The following PARD3B variants were observed in gnomAD, a reference collection of about 807,000 sequenced individuals.
PARD3B encodes the protein par-3 family cell polarity regulator beta, also known as partitioning defective 3 homolog B.
Under a neutral mutation model 130.2 loss-of-function variants are expected in PARD3B, and 103 were observed. The observed-to-expected ratio is 0.79, with a 90% CI of 0.67 to 0.93. The LOEUF (loss-of-function observed/expected upper bound fraction) is 0.93. Ranked by LOEUF, PARD3B falls within the 40% of genes least tolerant of loss-of-function variation. The probability of loss-of-function intolerance (pLI) is 0.00; values close to 1 mark genes in which losing one functional copy is unlikely to be tolerated. For missense variants in PARD3B, 1,609 were observed against 1,499.2 expected, an observed-to-expected ratio of 1.07 and a Z score of -1.21; for synonymous variants, 583 against 553.2, an observed-to-expected ratio of 1.05 and a Z score of -0.76.
intron 2 of PARD3B, among the ~76,000 whole-genome samples, chr2:204,719,051 A>C (rs796358152): frequency 7.9e-5 from 12 of 152,364 alleles, no homozygotes; most frequent in African/African-American, 2.9e-4. Flanking sequence ...GAGAGATAAC[A>C]GTTAATTAAC....
chr2:204,799,377 T>A lies in PARD3B; in HGVS notation c.222+113095T>A, dbSNP rs1026107253. Among the ~76,000 whole-genome samples, 2 of 152,204 alleles carry A rather than the reference T, an allele frequency of 1.3e-5. No homozygotes were observed. Among genetic ancestry groups the A allele is most frequent in the African/African-American group, 4.8e-5 (2 of 41,466 alleles). On this transcript the variant is annotated intron_variant, in intron 2 of 22. Coordinates refer to ENST00000406610, the MANE Select transcript of PARD3B (RefSeq NM_001302769.2). The surrounding 1 kb of genome is among the most constrained non-coding windows in gnomAD (Gnocchi z 4.1). ...TAGAATAGAGCACCAGGTAGATTCCTAAGGTTTCTGACTCCAGGTGCTGGC... is the reference window on the plus strand; with the variant it reads ...TAGAATAGAGCACCAGGTAGATTCCAAAGGTTTCTGACTCCAGGTGCTGGC...
chr2:204,986,101 CAAAAAA>C (rs371839271), intron 3 of PARD3B, among the ~76,000 whole-genome samples: 1 of 51,240 alleles, frequency 2.0e-5, no homozygotes, highest in East Asian at 7.0e-4. Context: ...ACTCTGTCTC[CAAAAAA>C]AAAAAAAAAA....
chr2:204,953,011 G>A (rs1352397269), intron 2 of PARD3B, among the ~76,000 whole-genome samples: 3 of 136,404 alleles, frequency 2.2e-5, no homozygotes, highest in Non-Finnish European at 3.2e-5. Flanking sequence ...AAAAAAAAAA[G>A]GTATATATAT....
intron 12 of PARD3B, among the ~76,000 whole-genome samples, chr2:205,174,575 G>C (rs182471240): frequency 1.2e-4 from 19 of 152,224 alleles, no homozygotes; most frequent in African/African-American, 4.6e-4. Flanking sequence ...TCATGTTTTT[G>C]CTGTATTCTC....
chr2:205,117,916 T>TACACACACACACACACATACACATAC (rs2030048717), intron 6 of PARD3B, among the ~76,000 whole-genome samples: 1 of 20,376 alleles, frequency 4.9e-5, no homozygotes, highest in African/African-American at 7.6e-5. Flanking sequence ...TGTATGTGTG[T>TACACACACACACACACATACACATAC]ACACACACAC....
chr2:204,797,328 A>T (rs2042410711), intron 2 of PARD3B, among the ~76,000 whole-genome samples: 1 of 152,184 alleles, frequency 6.6e-6, no homozygotes, highest in South Asian at 2.1e-4. Flanking sequence ...CTCGAGGTAT[A>T]ACATTTTATT....
intron 20 of PARD3B, among the ~76,000 whole-genome samples, chr2:205,451,238 G>T (rs2048092320): frequency 6.6e-6 from 1 of 152,236 alleles, no homozygotes; most frequent in South Asian, 2.1e-4. Context: ...GGAGAAAGGA[G>T]AAAGGGGCAA....
chr2:204,870,765 G>C (rs2045600766), intron 2 of PARD3B, among the ~76,000 whole-genome samples: 1 of 152,080 alleles, frequency 6.6e-6, no homozygotes, highest in Non-Finnish European at 1.5e-5. Flanking sequence ...TGAAGAAAGA[G>C]GTGCACATAA....
intron 4 of PARD3B, among the ~76,000 whole-genome samples, chr2:205,103,385 T>G (rs1702961203): frequency 2.0e-5 from 3 of 147,506 alleles, no homozygotes; most frequent in Admixed American, 1.4e-4. Flanking sequence ...AATAAATATT[T>G]ATATAAATTA....
At chr2:204,604,352 T>A (rs2033629936) in intron 1 of PARD3B, among the ~76,000 whole-genome samples, 1 of 152,138 alleles carries the variant, frequency 6.6e-6, no homozygotes, top group African/African-American at 2.4e-5. Context: ...ATTAGCTCAG[T>A]AAGAAAATAC....
At position 205,460,057 on chromosome 2, in the gene PARD3B, A is replaced by C. The variant is rs34228674; in HGVS notation, c.3044+19385A>C. On this transcript the variant is annotated intron_variant, in intron 20 of 22. Transcript: ENST00000406610. The surrounding 1 kb of genome is among the most constrained non-coding windows in gnomAD (Gnocchi z 4.9). ...GATCTAAGTGTTTCAGAAACTAGGA[A>C]CATTACAGTACCAGAAGACTTGGAT... is the stretch of plus-strand genomic sequence containing the variant. 0.058 allele frequency among the ~76,000 whole-genome samples: 8,884 copies of C among 152,228 alleles called. 796 individuals carry two copies. Among genetic ancestry groups the C allele is most frequent in the African/African-American group, 0.19 (7,990 of 41,498 alleles).
rs533060874 is a variant in PARD3B, at chr2:205,397,027, C to G, written c.2631-3986C>G. Among the ~76,000 whole-genome samples, 17 of 152,214 alleles carry G rather than the reference C, an allele frequency of 1.1e-4. No individual in the cohort carries two copies. The highest frequency in any genetic ancestry group is 8.5e-4 in the Admixed American group (13 of 15,290). On this transcript the variant is annotated intron_variant, in intron 18 of 22. Transcript: ENST00000406610. The surrounding 1 kb of genome is among the most constrained non-coding windows in gnomAD (Gnocchi z 4.8). The stretch of plus-strand genomic sequence containing the variant: ...AATCTTTCCCCCTCACTCTCTCCCC[C>G]GGTCCACTACTGCCACTACTGATAA...
intron 2 of PARD3B, among the ~76,000 whole-genome samples, chr2:204,962,384 C>T (rs1044408087): frequency 8.5e-5 from 13 of 152,080 alleles, no homozygotes; most frequent in African/African-American, 2.9e-4. Flanking sequence ...GCATGCCATA[C>T]AAGTTTACTC....
intron 19 of PARD3B, among the ~76,000 whole-genome samples, chr2:205,431,027 G>C (rs1320662316): frequency 6.6e-6 from 1 of 152,100 alleles, no homozygotes; most frequent in Non-Finnish European, 1.5e-5. Flanking sequence ...CAAAATGCTT[G>C]GTAAAAAATT....
At chr2:204,848,834 T>C (rs2044579564) in intron 2 of PARD3B, among the ~76,000 whole-genome samples, 2 of 152,110 alleles carry the variant, frequency 1.3e-5, no homozygotes, top group Non-Finnish European at 2.9e-5. Flanking sequence ...ATAGTCTTCA[T>C]TTCATAACAT....
chr2:205,567,778 A>G (rs1220985834), intron 22 of PARD3B, among the ~76,000 whole-genome samples: 1 of 151,572 alleles, frequency 6.6e-6, no homozygotes, highest in African/African-American at 2.4e-5. Flanking sequence ...CAGGGATTTG[A>G]GAGCAAGTGA....
At chr2:205,350,652 C>T (rs1051934625) in intron 18 of PARD3B, among the ~76,000 whole-genome samples, 3 of 152,028 alleles carry the variant, frequency 2.0e-5, no homozygotes, top group Non-Finnish European at 4.4e-5. Context: ...TTTTATGGTA[C>T]CTTAATAGCC....
At chr2:205,522,320 ATTT>A (rs1368039209) in intron 21 of PARD3B, among the ~76,000 whole-genome samples, 599 of 151,688 alleles carry the variant, frequency 3.9e-3, no homozygotes, top group African/African-American at 0.014. Flanking sequence ...TAAAGACTTT[ATTT>A]TTCCTTTGAT....
At chr2:205,161,737 G>A (rs2034519515) in intron 11 of PARD3B, among the ~76,000 whole-genome samples, 1 of 152,112 alleles carries the variant, frequency 6.6e-6, no homozygotes, top group Non-Finnish European at 1.5e-5. Flanking sequence ...TCAGCATTTG[G>A]CCCTAGGTTT....
Sources: allele counts gnomAD v4.1 joint callset (sites outside exome capture counted in the v4.1 genomes callset), GRCh38; gene constraint gnomAD v4.1.1; non-coding constraint Gnocchi (gnomAD v3.1); transcripts MANE v1.5; gene names NCBI Gene and HGNC (gene_info 2026-07-23, HGNC 2026-07-21).